Variants in CABP1 observed in about 807,000 individuals in gnomAD.
The protein encoded by CABP1 is calcium-binding protein 1.
A neutral mutation model predicts 34.3 loss-of-function variants in CABP1; 17 were observed. That is an observed-to-expected ratio of 0.50 (90% CI 0.34 to 0.74). CABP1 has a LOEUF of 0.74. CABP1 is among the 30% of genes least tolerant of loss of function. The pLI, the probability that CABP1 is intolerant of heterozygous loss-of-function variation, is 0.01. For missense variants in CABP1, 373 were observed against 511.1 expected, an observed-to-expected ratio of 0.73 and a Z score of 2.61; for synonymous variants, 198 against 229.2, an observed-to-expected ratio of 0.86 and a Z score of 1.23.
At chr12:120,648,947 T>C (rs1482364565) in intron 1 of CABP1, among the ~76,000 whole-genome samples, 4 of 151,726 alleles carry the variant, frequency 2.6e-5, no homozygotes, top group Admixed American at 6.6e-5. Context: ...TTCCCATTCA[T>C]TGGAGTCCAC....
intron 5 of CABP1, among the ~76,000 whole-genome samples, chr12:120,665,103 A>G (rs898143776): frequency 2.6e-5 from 4 of 152,096 alleles, no homozygotes; most frequent in South Asian, 4.2e-4. Flanking sequence ...TAGGCAGAGA[A>G]GAGAAGATTT....
intron 1 of CABP1, among the ~76,000 whole-genome samples, chr12:120,653,318 T>C (rs1006445119): frequency 6.6e-6 from 1 of 152,176 alleles, no homozygotes; most frequent in Non-Finnish European, 1.5e-5. Context: ...GAGCACTTTA[T>C]GTGTATAACT....
rs1880571503 is a variant in CABP1 at position 120,660,698 on chromosome 12, CG to C, written c.830-29del. ...AGTTGGAGACAGGGAATGGGTATGT[CG>C]GGGATGACCTAGCCCTTTCCTCCTT... On this transcript the variant is annotated intron_variant, in intron 3 of 5. Coordinates refer to ENST00000316803, the MANE Select transcript of CABP1 (RefSeq NM_001033677.2). The surrounding 1 kb of genome is among the most constrained non-coding windows in gnomAD (Gnocchi z 5.0). The C allele has an allele frequency of 6.9e-7, 1 of 1,441,100 alleles. No homozygotes were observed. The allele number at this position is 1,441,100 out of a possible 1,614,324, so 89.3% of individuals were successfully genotyped here.
intron 1 of CABP1, 143 bp from the exon 2 acceptor site, chr12:120,659,735 A>G (rs943828085): frequency 3.7e-5 from 25 of 671,360 alleles, no homozygotes; most frequent in Non-Finnish European, 6.0e-5. Context: ...TCTCCCCTCA[A>G]GGACCTGATC....
intron 5 of CABP1, among the ~76,000 whole-genome samples, chr12:120,663,218 A>T (rs1880763909): frequency 6.6e-6 from 1 of 152,136 alleles, no homozygotes; most frequent in Non-Finnish European, 1.5e-5. Context: ...TATTTTCTTA[A>T]TCACTGCATT....
chr12:120,648,132 C>T (rs1879635550), intron 1 of CABP1, among the ~76,000 whole-genome samples: 1 of 152,128 alleles, frequency 6.6e-6, no homozygotes, highest in Non-Finnish European at 1.5e-5. Context: ...CCTCTGGGGT[C>T]CCTAGTGAGC....
chr12:120,672,856 C>G, the CABP1 span, among the ~76,000 whole-genome samples: 1 of 151,696 alleles, frequency 6.6e-6, no homozygotes, highest in Non-Finnish European at 1.5e-5. Flanking sequence ...ATGGCGAAAA[C>G]CCGTCTCTAC....
chr12:120,653,199 G>C (rs1654793591), intron 1 of CABP1, among the ~76,000 whole-genome samples: 1 of 152,136 alleles, frequency 6.6e-6, no homozygotes, highest in Admixed American at 6.6e-5. Flanking sequence ...CTGGCACCCA[G>C]CATCTCTTAA....
chr12:120,652,256 G>A (rs930541460), intron 1 of CABP1, among the ~76,000 whole-genome samples: 3 of 152,168 alleles, frequency 2.0e-5, no homozygotes, highest in African/African-American at 7.2e-5. Flanking sequence ...TTAGAGAAGC[G>A]GGATGGAGGA....
At chr12:120,677,390 CTT>C in the CABP1 span, among the ~76,000 whole-genome samples, 37 of 76,786 alleles carry the variant, frequency 4.8e-4, no homozygotes, top group South Asian at 1.9e-3. Context: ...GCCCAGCCTT[CTT>C]TTTTTTTTTT....
At chr12:120,662,792 C>T (rs1262612938) in intron 5 of CABP1, among the ~76,000 whole-genome samples, 1 of 151,420 alleles carries the variant, frequency 6.6e-6, no homozygotes, top group Non-Finnish European at 1.5e-5. Flanking sequence ...TCAAGCGATT[C>T]TCCTGCCTCA....
the CABP1 span, among the ~76,000 whole-genome samples, chr12:120,672,775 A>T: frequency 6.6e-6 from 1 of 150,922 alleles, no homozygotes; most frequent in Non-Finnish European, 1.5e-5. Context: ...CACGTCTGTC[A>T]TCCCAGTACT....
At chr12:120,657,402 C>A (rs1880298316) in intron 1 of CABP1, among the ~76,000 whole-genome samples, 1 of 152,178 alleles carries the variant, frequency 6.6e-6, no homozygotes, top group Non-Finnish European at 1.5e-5. Context: ...CTGGTATTAA[C>A]CCATTTTACA....
chr12:120,666,090 T>C (rs538416080), intron 5 of CABP1, among the ~76,000 whole-genome samples: 219 of 149,310 alleles, frequency 1.5e-3, no homozygotes, highest in African/African-American at 5.2e-3. Flanking sequence ...CCCAGCACTT[T>C]GGGAGGCCAA....
intron 1 of CABP1, among the ~76,000 whole-genome samples, chr12:120,657,088 C>T (rs1357164517): frequency 1.3e-5 from 2 of 152,172 alleles, no homozygotes; most frequent in Non-Finnish European, 2.9e-5. Flanking sequence ...AAATTCCGTG[C>T]TGTCCGATAC....
chr12:120,680,397 T>C, the CABP1 span, among the ~76,000 whole-genome samples: 1 of 152,148 alleles, frequency 6.6e-6, no homozygotes, highest in South Asian at 2.1e-4. Context: ...CCCCCAAATC[T>C]TGGTTCCTGT....
intron 1 of CABP1, among the ~76,000 whole-genome samples, chr12:120,643,470 CTTTTAGT>C (rs1879429236): frequency 6.6e-6 from 1 of 152,154 alleles, no homozygotes; most frequent in Non-Finnish European, 1.5e-5. Flanking sequence ...AATACAGAAA[CTTTTAGT>C]TAAGATCTGC....
chr12:120,649,612 C>T (rs1879716819), intron 1 of CABP1, among the ~76,000 whole-genome samples: 1 of 152,112 alleles, frequency 6.6e-6, no homozygotes, highest in African/African-American at 2.4e-5. Context: ...GAGGTCTTTG[C>T]TGTGGATGAG....
In CABP1 at chr12:120,660,095, G is replaced by A. The variant is rs1052408045; in HGVS notation, c.686-101G>A. Reference sequence around the variant, plus strand: ...TGCCCCAGCATCCTGGGAAGCTCCTGGGCCTCTCTTTCCATGCCGGTGGGC... The same window carrying A: ...TGCCCCAGCATCCTGGGAAGCTCCTAGGCCTCTCTTTCCATGCCGGTGGGC... On this transcript the variant is annotated intron_variant, in intron 2 of 5. Transcript: ENST00000316803. This position sits in a 1 kb window ranked among gnomAD's most constrained non-coding sequence, Gnocchi z 5.0. The A allele has an allele frequency of 8.8e-6, 13 of 1,481,740 alleles. No homozygotes were observed. Among genetic ancestry groups the A allele is most frequent in the Middle Eastern group, 1.8e-4 (1 of 5,654 alleles). The allele number at this position is 1,481,740 out of a possible 1,614,324, so 91.8% of individuals were successfully genotyped here.
Sources: gnomAD v4.1 joint callset for allele counts (sites outside exome capture counted in the v4.1 genomes callset) on GRCh38, gnomAD v4.1.1 for gene constraint, Gnocchi (gnomAD v3.1) non-coding constraint, MANE v1.5 for transcripts, NCBI Gene and HGNC (gene_info 2026-07-23, HGNC 2026-07-21) for gene names.